Variants in NR2C2 observed in about 807,000 individuals in gnomAD.
The protein encoded by NR2C2 is nuclear receptor subfamily 2 group C member 2, also known as Nuclear hormone receptor TR4.
Under a neutral mutation model 62.9 loss-of-function variants are expected in NR2C2, and 6 were observed. The observed-to-expected ratio is 0.10, with a 90% CI of 0.05 to 0.19. NR2C2 has a LOEUF of 0.19. Among genes scored for constraint, NR2C2 ranks in the 10% least tolerant of loss-of-function variants. The pLI, the probability that NR2C2 is intolerant of heterozygous loss-of-function variation, is 1.00. For missense variants in NR2C2, 479 were observed against 762.7 expected (o/e 0.63, Z 4.38); for synonymous variants, 272 against 273.8 (o/e 0.99, Z 0.07).
chr3:15,036,046 C>T (rs756587555), intron 11 of NR2C2, among the ~76,000 whole-genome samples: 71 of 151,140 alleles, frequency 4.7e-4, no homozygotes, highest in Non-Finnish European at 8.1e-4. Flanking sequence ...AAAAATTAGC[C>T]GGGCATGGTG....
chr3:14,999,597 G>A (rs567880580), intron 1 of NR2C2, among the ~76,000 whole-genome samples: 17 of 152,122 alleles, frequency 1.1e-4, no homozygotes, highest in African/African-American at 4.1e-4. Context: ...TCAAGTTCAC[G>A]AAGATTTACA....
At chr3:14,982,764 C>T (rs115800937) in intron 1 of NR2C2, among the ~76,000 whole-genome samples, 9,158 of 151,860 alleles carry the variant, frequency 0.06, 394 homozygotes, top group Non-Finnish European at 0.087. Context: ...ATGTTTTTGT[C>T]TTGACTTATT....
intron 1 of NR2C2, among the ~76,000 whole-genome samples, chr3:14,979,384 C>A (rs1291301015): frequency 6.6e-6 from 1 of 152,138 alleles, no homozygotes; most frequent in Non-Finnish European, 1.5e-5. Context: ...TTACTGTGTA[C>A]TAGGCATTGT....
At chr3:14,997,871 C>CCAT (rs1341592956) in intron 1 of NR2C2, among the ~76,000 whole-genome samples, 1 of 151,956 alleles carries the variant, frequency 6.6e-6, no homozygotes, top group Non-Finnish European at 1.5e-5. Flanking sequence ...GAGTATGCAA[C>CCAT]CATCACCACT....
intron 8 of NR2C2, among the ~76,000 whole-genome samples, chr3:15,029,228 C>T (rs1022830489): frequency 2.0e-5 from 3 of 151,686 alleles, no homozygotes; most frequent in African/African-American, 2.4e-5. Context: ...TACAGGCGTG[C>T]GCCACCACCC....
chr3:14,965,961 G>A (rs1298226044), intron 1 of NR2C2, among the ~76,000 whole-genome samples: 1 of 152,186 alleles, frequency 6.6e-6, no homozygotes, highest in Non-Finnish European at 1.5e-5. Context: ...GAGCCACCAT[G>A]CCTGGCCCCT....
At position 15,003,464 on chromosome 3, in the gene NR2C2, GTT is replaced by G. The variant is rs2041080239; in HGVS notation, c.-39-409_-39-408del. 3.3e-5 allele frequency among the ~76,000 whole-genome samples: 5 copies of G among 152,198 alleles called. No homozygotes were observed. The South Asian group carries it at 1.0e-3, about 32-fold the overall frequency. ...CCCAGTAGGTTTCAGTGTAATGTTG[GTT>G]TTGTTTGTCATCCCCTGCTGTGTTG... On this transcript the variant is annotated intron_variant, in intron 1 of 13. Coordinates refer to ENST00000425241, the MANE Select transcript of NR2C2 (RefSeq NM_001291694.2).
rs1461643487 is a variant in NR2C2 at position 15,036,999 on chromosome 3, G to A, written c.1373-1001G>A. 2.0e-5 allele frequency among the ~76,000 whole-genome samples: 3 copies of A among 152,002 alleles called. No homozygotes were observed. The East Asian group carries it at 5.8e-4, about 29-fold the overall frequency. ...TAGCCTGACATGGTGGTGAGTGCCT[G>A]TAATCCCAGTTACTTGCTAGGCTGA... On this transcript the variant is annotated intron_variant, in intron 11 of 13. Transcript: ENST00000425241.
intron 1 of NR2C2, among the ~76,000 whole-genome samples, chr3:14,996,213 A>C (rs2040828763): frequency 1.3e-5 from 2 of 152,192 alleles, no homozygotes; most frequent in Admixed American, 1.3e-4. Context: ...TTTTGCTTCA[A>C]GTGTAATACA....
intron 2 of NR2C2, among the ~76,000 whole-genome samples, chr3:15,011,713 G>A (rs1443362329): frequency 6.6e-6 from 1 of 152,182 alleles, no homozygotes; most frequent in Non-Finnish European, 1.5e-5. Flanking sequence ...AATCAGCTGA[G>A]TATTCATTCT....
intron 11 of NR2C2, among the ~76,000 whole-genome samples, chr3:15,037,661 T>C (rs62240393): frequency 0.058 from 8,908 of 152,274 alleles, 364 homozygotes; most frequent in Middle Eastern, 0.099. Flanking sequence ...TAACCAAGTA[T>C]ATAAGCTGTG....
At chr3:15,011,406 C>G (rs2041348911) in intron 2 of NR2C2, among the ~76,000 whole-genome samples, 1 of 152,172 alleles carries the variant, frequency 6.6e-6, no homozygotes, top group African/African-American at 2.4e-5. Context: ...CTTCCAAAGG[C>G]CATCTTCTTT....
intron 8 of NR2C2, among the ~76,000 whole-genome samples, chr3:15,029,436 A>G (rs994344076): frequency 6.6e-6 from 1 of 152,194 alleles, no homozygotes; most frequent in African/African-American, 2.4e-5. Flanking sequence ...AGCCAGATAC[A>G]AAGCTGGAGA....
intron 11 of NR2C2, among the ~76,000 whole-genome samples, chr3:15,036,049 G>C (rs749570118): frequency 1.2e-4 from 18 of 151,600 alleles, no homozygotes; most frequent in Non-Finnish European, 1.6e-4. Context: ...AATTAGCCGG[G>C]CATGGTGGCG....
At chr3:14,975,472 G>A (rs1322259274) in intron 1 of NR2C2, among the ~76,000 whole-genome samples, 1 of 152,196 alleles carries the variant, frequency 6.6e-6, no homozygotes, top group Non-Finnish European at 1.5e-5. Flanking sequence ...TTCAGAGGAT[G>A]ATGTGTTTTT....
intron 4 of NR2C2, among the ~76,000 whole-genome samples, chr3:15,018,583 G>A (rs1447264638): frequency 6.6e-6 from 1 of 152,138 alleles, no homozygotes; most frequent in Non-Finnish European, 1.5e-5. Flanking sequence ...CTATAATCAG[G>A]CTGGGTGCAG....
rs200472772 is a variant in NR2C2 at position 14,998,650 on chromosome 3, CT to C, written c.-39-5217del. 1.3e-3 allele frequency among the ~76,000 whole-genome samples: 202 copies of C among 151,798 alleles called. 1 individual carries two copies. Among genetic ancestry groups the C allele is most frequent in the East Asian group, 4.1e-3 (21 of 5,172 alleles). ...AAGTTGTAATGATATATGATTTGCA[CT>C]TTTTTTTTCCCCCATTTTATAGGTT... On this transcript the variant is annotated intron_variant, in intron 1 of 13. Transcript: ENST00000425241.
intron 7 of NR2C2, among the ~76,000 whole-genome samples, chr3:15,028,159 C>T (rs1483929771): frequency 6.6e-6 from 1 of 152,212 alleles, no homozygotes; most frequent in Non-Finnish European, 1.5e-5. Context: ...TGCATCCAGC[C>T]TCTTTTTCCA....
intron 1 of NR2C2, chr3:14,959,602 C>G (rs1406780507): frequency 6.6e-6 from 1 of 152,086 alleles, no homozygotes; most frequent in Non-Finnish European, 1.5e-5. Context: ...ATGCCTGATG[C>G]TGCTTTGAAG....
Sources: allele counts gnomAD v4.1 joint callset (sites outside exome capture counted in the v4.1 genomes callset), GRCh38; gene constraint gnomAD v4.1.1; transcripts MANE v1.5; gene names NCBI Gene and HGNC (gene_info 2026-07-23, HGNC 2026-07-21).